Variants in SKP2 observed in about 807,000 individuals in gnomAD.
SKP2 encodes the protein S-phase kinase associated protein 2.
A neutral mutation model predicts 51.8 loss-of-function variants in SKP2; 16 were observed. The ratio of observed to expected loss-of-function variants is 0.31; its 90% CI spans 0.21 to 0.47. The LOEUF (loss-of-function observed/expected upper bound fraction) is 0.47, where lower values mean the gene tolerates loss of function less well. SKP2 is among the 20% of genes least tolerant of loss of function. The probability of loss-of-function intolerance (pLI) is 1.00; values close to 1 mark genes in which losing one functional copy is unlikely to be tolerated. For synonymous variants in SKP2, 176 were observed against 198.6 expected (o/e 0.89, Z 0.96); for missense variants, 377 against 505.3 (o/e 0.75, Z 2.43).
At chr5:36,178,724 C>T (rs1296153925) in intron 9 of SKP2, among the ~76,000 whole-genome samples, 1 of 151,998 alleles carries the variant, frequency 6.6e-6, no homozygotes, top group Non-Finnish European at 1.5e-5. Context: ...GTGTGGTGAT[C>T]ATTCTTTTTG....
chr5:36,190,052 T>C (rs540073424), intron 6 of SKP2, among the ~76,000 whole-genome samples: 1 of 152,314 alleles, frequency 6.6e-6, no homozygotes, highest in East Asian at 1.9e-4. Context: ...GTGTGCCGTT[T>C]GTTAAGACCA....
At position 36,168,371 on chromosome 5, in the gene SKP2, C is replaced by T. The variant is rs772698613; in HGVS notation, c.595C>T (p.His199Tyr). 3.7e-6 allele frequency: 6 copies of T among 1,614,050 alleles called. No homozygotes were observed. Among genetic ancestry groups the T allele is most frequent in the Non-Finnish European group, 5.1e-6 (6 of 1,179,900 alleles). The change falls in exon 5 of 10, where the codon CAC becomes TAC. Residue 199 changes from histidine to tyrosine, a missense_variant. By Grantham distance (83) the His-to-Tyr change is moderately conservative. Around this residue, in one of 2 missense-constraint regions of SKP2, gnomAD observed 262 missense variants for 389.8 expected, o/e 0.67. Transcript: ENST00000274255. ...CTCAGTTATAGAAGTGTCCACCCTC[C>T]ACGGCATACTGTCTCAGTGTTCCAA... ...SNSVIEVSTL[H>Y]GILSQCSKLQ...
chr5:36,177,723 G>A (rs984960084), intron 9 of SKP2, among the ~76,000 whole-genome samples: 1 of 151,580 alleles, frequency 6.6e-6, no homozygotes, highest in African/African-American at 2.4e-5. Flanking sequence ...GTATCTTCTA[G>A]TGATGTAAGT....
Position 36,183,565 on chromosome 5 carries a change from C to T in SKP2, c.*1534C>T. On this transcript the variant is annotated 3_prime_UTR_variant, in exon 10 of 10. Coordinates refer to ENST00000274255, the MANE Select transcript of SKP2 (RefSeq NM_005983.4). ...TACAGGCATGAGCAACTGCGCCCAG[C>T]CAAATTCTACTTCTTAAAAATCACA... 1 of 1,039,778 alleles carries T rather than the reference C, an allele frequency of 9.6e-7. No individual in the cohort carries two copies. The highest frequency in any genetic ancestry group is 1.2e-6 in the Non-Finnish European group (1 of 866,066). The allele number at this position is 1,039,778 out of a possible 1,614,324, so 64.4% of individuals were successfully genotyped here. A position where few individuals can be genotyped will look rare whatever the true frequency, so the allele number is the denominator to read the frequency against.
chr5:36,160,519 T>C (rs1745089883), intron 2 of SKP2, among the ~76,000 whole-genome samples: 2 of 152,170 alleles, frequency 1.3e-5, no homozygotes, highest in Admixed American at 6.5e-5. Context: ...ACCTTACTTA[T>C]TGTTGTGGCC....
rs1215829117 is a variant in SKP2, at chr5:36,184,262, T to C, written c.*2231T>C. On this transcript the variant is annotated 3_prime_UTR_variant, in exon 10 of 10. Transcript: ENST00000274255. ...AAAAGGGGCTAATACAGTCTTGTTA[T>C]CTTTTTTTTTAAATTATACTTTAAG... 7 of 240,304 alleles carry C rather than the reference T, an allele frequency of 2.9e-5. No homozygotes were observed. In the South Asian group the frequency reaches 3.3e-4, roughly 11 times the overall value. 14.9% of individuals were successfully genotyped at this position (240,304 alleles called of 1,614,324 possible).
At chr5:36,161,292 T>A (rs1382707967) in intron 2 of SKP2, among the ~76,000 whole-genome samples, 5 of 140,886 alleles carry the variant, frequency 3.5e-5, no homozygotes, top group East Asian at 2.1e-4. Context: ...CAAAAATTGT[T>A]AAAAAAAAAA....
At chr5:36,189,989 G>A (rs940332024) in intron 6 of SKP2, among the ~76,000 whole-genome samples, 9 of 152,294 alleles carry the variant, frequency 5.9e-5, no homozygotes, top group East Asian at 1.9e-4. Flanking sequence ...AGCAGTGAGC[G>A]AGGCTCCATG....
chr5:36,182,334 C>T lies in SKP2; in HGVS notation c.*303C>T. The T allele has an allele frequency of 2.7e-6, 3 of 1,120,874 alleles. No homozygotes were observed. The highest frequency in any genetic ancestry group is 3.3e-6 in the Non-Finnish European group (3 of 915,024). The allele number at this position is 1,120,874 out of a possible 1,614,324, so 69.4% of individuals were successfully genotyped here. On this transcript the variant is annotated 3_prime_UTR_variant, in exon 10 of 10. Coordinates refer to ENST00000274255, the MANE Select transcript of SKP2 (RefSeq NM_005983.4). ...AATTTGAGCCACCTCTTCCAAGTGC[C>T]CTTCTTACTAAGTCTATTCAGAATC...
chr5:36,167,289 T>TC (rs1277787880), intron 4 of SKP2, among the ~76,000 whole-genome samples: 3 of 152,314 alleles, frequency 2.0e-5, no homozygotes, highest in South Asian at 4.1e-4. Flanking sequence ...CAGTACTTTT[T>TC]CCCTTCTTTC....
intron 4 of SKP2, 124 bp downstream of exon 4, chr5:36,166,786 G>A: frequency 1.3e-6 from 1 of 788,368 alleles, no homozygotes; most frequent in South Asian, 1.9e-5. Flanking sequence ...GTGCAGTGTG[G>A]GATGTTAATT....
intron 7 of SKP2, among the ~76,000 whole-genome samples, chr5:36,174,380 C>A (rs1745566016): frequency 6.6e-6 from 1 of 152,130 alleles, no homozygotes. Context: ...AGGAAACTAA[C>A]CCTTTATCCC....
chr5:36,192,286 T>C (rs1266771601), intron 6 of SKP2, among the ~76,000 whole-genome samples: 1 of 152,198 alleles, frequency 6.6e-6, no homozygotes, highest in Non-Finnish European at 1.5e-5. Context: ...AGACAACTCA[T>C]TAGTACATTT....
intron 7 of SKP2, 33 bp from the exon 8 acceptor site, chr5:36,176,932 A>G: frequency 7.0e-7 from 1 of 1,429,978 alleles, no homozygotes; most frequent in Non-Finnish European, 9.7e-7. Flanking sequence ...TCCTCATTTA[A>G]TAGTGACCAT....
At position 36,182,271 on chromosome 5, in the gene SKP2, A is replaced by C. The variant is rs1161233362; in HGVS notation, c.*240A>C. 2 of 1,272,990 alleles carry C rather than the reference A, an allele frequency of 1.6e-6. No homozygotes were observed. The highest frequency in any genetic ancestry group is 6.4e-5 in the East Asian group (2 of 31,326). The allele number at this position is 1,272,990 out of a possible 1,614,324, so 78.9% of individuals were successfully genotyped here. On this transcript the variant is annotated 3_prime_UTR_variant, in exon 10 of 10. Transcript: ENST00000274255. ...GTTGTAGGCCTTTTGAAATTTTAGG[A>C]GAGTGAGCCTATAATTTCAAGATAC...
At chr5:36,170,732 C>T (rs1334171826) in intron 6 of SKP2, among the ~76,000 whole-genome samples, 1 of 152,178 alleles carries the variant, frequency 6.6e-6, no homozygotes, top group Non-Finnish European at 1.5e-5. Flanking sequence ...GAAATTTGCT[C>T]ACACTTAACT....
chr5:36,178,182 G>A (rs1186253959), intron 9 of SKP2, among the ~76,000 whole-genome samples: 1 of 152,108 alleles, frequency 6.6e-6, no homozygotes, highest in Admixed American at 6.6e-5. Context: ...TCTTAGAGTT[G>A]ATCAGGTGCC....
intron 9 of SKP2, among the ~76,000 whole-genome samples, chr5:36,178,236 A>G (rs1164772365): frequency 6.6e-6 from 1 of 152,208 alleles, no homozygotes; most frequent in Non-Finnish European, 1.5e-5. Context: ...TATGTAGCTC[A>G]TGAACTAAAA....
Position 36,182,079 on chromosome 5 carries a change from G to A in SKP2, c.*48G>A, listed in dbSNP as rs1373370926. The A allele has an allele frequency of 6.3e-6, 10 of 1,595,352 alleles. No individual in the cohort carries two copies. Among genetic ancestry groups the A allele is most frequent in the African/African-American group, 1.3e-5 (1 of 74,522 alleles). ...CTCTTCTTTAGAACAGGGAAAATAG[G>A]CAGGAAGCCCAATTGCTGGAGTACT... On this transcript the variant is annotated 3_prime_UTR_variant, in exon 10 of 10. Transcript: ENST00000274255.
Sources: gnomAD v4.1 joint callset for allele counts (sites outside exome capture counted in the v4.1 genomes callset) on GRCh38, gnomAD v4.1.1 for gene constraint, gnomAD v4.1.1 regional missense constraint, MANE v1.5 for transcripts, NCBI Gene and HGNC (gene_info 2026-07-23, HGNC 2026-07-21) for gene names.